ST6GALNAC1: variants seen among roughly 807,000 people sequenced by gnomAD.
ST6GALNAC1 encodes the protein ST6 N-acetylgalactosaminide alpha-2,6-sialyltransferase 1.
In ST6GALNAC1, 45 loss-of-function variants were observed where a neutral mutation model predicts 56.8. That is an observed-to-expected ratio of 0.79 (90% CI 0.62 to 1.02). ST6GALNAC1 has a LOEUF of 1.02. Ranked by LOEUF, ST6GALNAC1 falls within the 50% of genes least tolerant of loss-of-function variation. The probability of loss-of-function intolerance (pLI) is 0.00; values close to 1 mark genes in which losing one functional copy is unlikely to be tolerated. For missense variants in ST6GALNAC1, 743 were observed against 754.8 expected (o/e 0.98, Z 0.18); for synonymous variants, 295 against 297.8 (o/e 0.99, Z 0.10).
At chr17:76,629,768 CA>C in intron 1 of ST6GALNAC1, 57 bp from the exon 2 acceptor site, 1 of 1,136,564 alleles carries the variant, frequency 8.8e-7, no homozygotes, top group South Asian at 1.4e-5. Context: ...AGGTCAGAAG[CA>C]TAAGTAGTTT....
chr17:76,624,306 A>T (rs997714740), downstream of ST6GALNAC1, among the ~76,000 whole-genome samples: 2 of 151,788 alleles, frequency 1.3e-5, no homozygotes, highest in Admixed American at 6.6e-5. Context: ...GCTGGAGTGC[A>T]GTGGTGTAAT....
At position 76,627,685 on chromosome 17, in the gene ST6GALNAC1, C is replaced by T. The variant is rs2075825124; in HGVS notation, c.832-102G>A. 13 of 1,084,656 alleles carry T rather than the reference C, an allele frequency of 1.2e-5. No individual in the cohort carries two copies. The highest frequency in any genetic ancestry group is 4.7e-5 in the African/African-American group (3 of 63,668). 67.2% of individuals were successfully genotyped at this position (1,084,656 alleles called of 1,614,324 possible). ...GGGCTGGGGCTCGCAGTTTGGAAGGCGCGGCCTCTGCTACCTCTTCCATTC... is the reference window on the plus strand; with the variant it reads ...GGGCTGGGGCTCGCAGTTTGGAAGGTGCGGCCTCTGCTACCTCTTCCATTC... On this transcript the variant is annotated intron_variant, in intron 2 of 8. Transcript: ENST00000156626. This position sits in a 1 kb window ranked among gnomAD's most constrained non-coding sequence, Gnocchi z 4.4.
chr17:76,642,050 A>G (rs915647457), intron 1 of ST6GALNAC1: 4 of 151,000 alleles, frequency 2.6e-5, no homozygotes, highest in Non-Finnish European at 5.9e-5. Context: ...CAATATATCT[A>G]TATATACATA....
chr17:76,631,951 A>G (rs995292602), intron 1 of ST6GALNAC1, among the ~76,000 whole-genome samples: 3 of 152,166 alleles, frequency 2.0e-5, no homozygotes, highest in Non-Finnish European at 4.4e-5. Flanking sequence ...TGAAGAACAC[A>G]TTCTTGATCA....
At chr17:76,638,157 A>G (rs1363948204) in intron 1 of ST6GALNAC1, among the ~76,000 whole-genome samples, 2 of 139,612 alleles carry the variant, frequency 1.4e-5, no homozygotes, top group African/African-American at 5.4e-5. Context: ...TTTGCACGTC[A>G]TCCTTGTGCA....
downstream of ST6GALNAC1, among the ~76,000 whole-genome samples, chr17:76,624,194 C>T (rs1052769445): frequency 1.3e-5 from 2 of 152,170 alleles, no homozygotes; most frequent in Non-Finnish European, 2.9e-5. Flanking sequence ...TTCCACTCTC[C>T]TACCGAGGGT....
intron 1 of ST6GALNAC1, 43 bp downstream of exon 1, chr17:76,643,465 C>T (rs748283615): frequency 3.1e-6 from 5 of 1,606,320 alleles, no homozygotes; most frequent in Admixed American, 1.7e-5. Flanking sequence ...TCTGTTTCCT[C>T]AAATGAATGA....
downstream of ST6GALNAC1, among the ~76,000 whole-genome samples, chr17:76,622,632 G>T (rs2075753223): frequency 6.6e-6 from 1 of 152,064 alleles, no homozygotes; most frequent in South Asian, 2.1e-4. Flanking sequence ...CAAAGTGCTG[G>T]GATTATAGGC....
intron 1 of ST6GALNAC1, among the ~76,000 whole-genome samples, chr17:76,631,610 TTC>T (rs139753014): frequency 0.011 from 1,689 of 152,246 alleles, 29 homozygotes; most frequent in African/African-American, 0.037. Context: ...CTTCTACTCT[TTC>T]TGTCTCTGCA....
chr17:76,627,556 C>T lies in ST6GALNAC1; in HGVS notation c.859G>A (p.Ala287Thr). Residue 287 changes from alanine (A) to threonine (T), a missense_variant, in exon 3 of 9, where the codon GCC becomes ACC. Transcript: ENST00000156626. The surrounding 1 kb of genome is among the most constrained non-coding windows in gnomAD (Gnocchi z 4.4). ...TTCPDSVKIK[A>T]SKSLWLQKLF... ...TTCTGGAGCCACAGCGACTTGGAGG[C>T]TTTGATCTTCACAGAGTCAGGGCAA... is the stretch of plus-strand genomic sequence containing the variant. The T allele has an allele frequency of 6.2e-7, 1 of 1,614,160 alleles. No individual in the cohort carries two copies. Among genetic ancestry groups the T allele is most frequent in the Non-Finnish European group, 8.5e-7 (1 of 1,180,018 alleles).
In ST6GALNAC1 at chr17:76,628,993, C is replaced by T. The variant is rs768048278; in HGVS notation, c.831+19G>A. On this transcript the variant is annotated intron_variant, in intron 2 of 8. Transcript: ENST00000156626. ...TCAGAGCTGGGAGCCAGAGGGAAGG[C>T]GTGGTGGCAAAAACTCACCGTCTGA... 12 of 1,519,734 alleles carry T rather than the reference C, an allele frequency of 7.9e-6. No individual in the cohort carries two copies. The highest frequency in any genetic ancestry group is 4.4e-5 in the Admixed American group (2 of 44,998). The allele number at this position is 1,519,734 out of a possible 1,614,324, so 94.1% of individuals were successfully genotyped here. A position where few individuals can be genotyped will look rare whatever the true frequency, so the allele number is the denominator to read the frequency against.
downstream of ST6GALNAC1, among the ~76,000 whole-genome samples, chr17:76,621,833 G>A (rs1027621383): frequency 1.3e-5 from 2 of 152,018 alleles, no homozygotes; most frequent in African/African-American, 4.8e-5. Context: ...TGCCTACCCA[G>A]GTTGCTGGGT....
chr17:76,637,757 C>A, intron 1 of ST6GALNAC1: 2 of 398,874 alleles, frequency 5.0e-6, no homozygotes, highest in Non-Finnish European at 8.8e-6. Context: ...GCAAGAAGAG[C>A]TGAGATTAAG....
the ST6GALNAC1 span, among the ~76,000 whole-genome samples, chr17:76,617,756 G>C: frequency 6.7e-6 from 1 of 149,846 alleles, no homozygotes; most frequent in Non-Finnish European, 1.5e-5. Flanking sequence ...GGGCAACAGA[G>C]CAAGACTCTG....
chr17:76,625,865 G>A lies in ST6GALNAC1; in HGVS notation c.1559C>T (p.Thr520Ile). Reference sequence around the variant, plus strand: ...AGTGAGCAGCAGGAGGGCCCCAGTGGTGGGGCGGTATATCCTCCAGTGGGC... The same window carrying A: ...AGTGAGCAGCAGGAGGGCCCCAGTGATGGGGCGGTATATCCTCCAGTGGGC... ...DGAHWRIYRP[T>I]TGALLLLTAL... Residue 520 changes from threonine to isoleucine, a missense_variant, in exon 8 of 9, where the codon ACC becomes ATC. Thr to Ile is a moderately conservative substitution (Grantham distance 89). Coordinates refer to ENST00000156626, the MANE Select transcript of ST6GALNAC1 (RefSeq NM_018414.5). 2 of 1,549,270 alleles carry A rather than the reference G, an allele frequency of 1.3e-6. No homozygotes were observed. Among genetic ancestry groups the A allele is most frequent in the East Asian group, 4.5e-5 (2 of 44,470 alleles).
At position 76,627,001 on chromosome 17, in the gene ST6GALNAC1, G is replaced by T; in HGVS notation, c.1172+66C>A. 2.7e-6 allele frequency: 4 copies of T among 1,494,062 alleles called. No individual in the cohort carries two copies. The highest frequency in any genetic ancestry group is 3.6e-6 in the Non-Finnish European group (4 of 1,117,602). 92.6% of individuals were successfully genotyped at this position (1,494,062 alleles called of 1,614,324 possible). On this transcript the variant is annotated intron_variant, in intron 4 of 8. Transcript: ENST00000156626. The surrounding 1 kb of genome is among the most constrained non-coding windows in gnomAD (Gnocchi z 4.4). ...GTCTGCAGAAGAGGGGCAAGAGAGGGGCTGGAGGGGGGCTGGAGGGGGCAG... is the reference window on the plus strand; with the variant it reads ...GTCTGCAGAAGAGGGGCAAGAGAGGTGCTGGAGGGGGGCTGGAGGGGGCAG...
intron 1 of ST6GALNAC1, among the ~76,000 whole-genome samples, chr17:76,642,668 C>T (rs975216242): frequency 2.0e-5 from 3 of 152,140 alleles, no homozygotes; most frequent in Admixed American, 6.5e-5. Context: ...CAGTGGCTCA[C>T]GCCTGTCATC....
At chr17:76,631,878 A>G (rs2075906882) in intron 1 of ST6GALNAC1, among the ~76,000 whole-genome samples, 1 of 152,136 alleles carries the variant, frequency 6.6e-6, no homozygotes, top group Non-Finnish European at 1.5e-5. Context: ...AACTGGGAAG[A>G]CACCCCCAAA....
downstream of ST6GALNAC1, among the ~76,000 whole-genome samples, chr17:76,621,186 C>T (rs7224068): frequency 0.77 from 84,865 of 110,248 alleles, 33,701 homozygotes; most frequent in East Asian, 0.89. Flanking sequence ...TTCTTTCTTT[C>T]TTTTTTTTTT....
Sources: gnomAD v4.1 joint callset for allele counts (sites outside exome capture counted in the v4.1 genomes callset) on GRCh38, gnomAD v4.1.1 for gene constraint, Gnocchi (gnomAD v3.1) non-coding constraint, MANE v1.5 for transcripts, NCBI Gene and HGNC (gene_info 2026-07-23, HGNC 2026-07-21) for gene names.